The following SLC43A2 variants were observed in gnomAD, a reference collection of about 807,000 sequenced individuals.
SLC43A2 encodes the protein large neutral amino acids transporter small subunit 4.
SLC43A2 carries 38 observed loss-of-function variants against 63.2 expected under a neutral mutation model. The observed-to-expected ratio is 0.60, with a 90% CI of 0.46 to 0.79. The LOEUF is 0.79. SLC43A2 is among the 30% of genes least tolerant of loss of function. SLC43A2 has a pLI of 0.00. For synonymous variants in SLC43A2, 322 were observed against 331.0 expected (o/e 0.97, Z 0.30); for missense variants, 644 against 756.2 (o/e 0.85, Z 1.74).
At position 1,606,426 on chromosome 17, in the gene SLC43A2, C is replaced by T. The variant is rs141500093; in HGVS notation, c.501+6769G>A. 2.3e-3 allele frequency among the ~76,000 whole-genome samples: 356 copies of T among 152,340 alleles called. 3 individuals are homozygous for T. The highest frequency in any genetic ancestry group is 8.1e-3 in the African/African-American group (338 of 41,570). On this transcript the variant is annotated intron_variant, in intron 5 of 13. Coordinates refer to ENST00000301335, the MANE Select transcript of SLC43A2 (RefSeq NM_152346.3). The surrounding 1 kb of genome is among the most constrained non-coding windows in gnomAD (Gnocchi z 4.7). Reference sequence around the variant, plus strand: ...AAAGGGAAAATCCACAGAGAAATGTCTCATCGGGGAGCCTGGCAACATTTT... The same window carrying T: ...AAAGGGAAAATCCACAGAGAAATGTTTCATCGGGGAGCCTGGCAACATTTT...
chr17:1,629,911 G>T (rs914540798), upstream of SLC43A2, among the ~76,000 whole-genome samples: 2 of 152,166 alleles, frequency 1.3e-5, no homozygotes, highest in African/African-American at 4.8e-5. Context: ...CCCCAGAATC[G>T]CCTTGGTCAC....
intron 11 of SLC43A2, among the ~76,000 whole-genome samples, chr17:1,581,450 C>T (rs1004737790): frequency 1.3e-4 from 20 of 152,318 alleles, no homozygotes; most frequent in African/African-American, 3.8e-4. Context: ...AAATGTTCCA[C>T]GGCCCGCTGC....
At chr17:1,587,089 T>TGCGTTTCCTGCACC (rs2076115030) in intron 9 of SLC43A2, 3 of 1,010,208 alleles carry the variant, frequency 3.0e-6, no homozygotes, top group Non-Finnish European at 4.3e-6. Context: ...TTTCCCACAC[T>TGCGTTTCCTGCACC]GCGTTTCCCG....
intron 2 of SLC43A2, among the ~76,000 whole-genome samples, chr17:1,622,414 AT>A (rs1354343811): frequency 9.2e-5 from 14 of 151,964 alleles, no homozygotes; most frequent in Non-Finnish European, 1.5e-4. Flanking sequence ...ATACAAAAAA[AT>A]TTAGCCAGGC....
chr17:1,585,532 C>T, intron 10 of SLC43A2: 1 of 535,714 alleles, frequency 1.9e-6, no homozygotes, highest in Non-Finnish European at 2.9e-6. Context: ...AGGCATGAAC[C>T]ACCCTCCCTG....
In SLC43A2 at chr17:1,614,910, G is replaced by A. The variant is rs1344954157; in HGVS notation, c.424+69C>T. The A allele has an allele frequency of 2.0e-6, 3 of 1,516,596 alleles. No homozygotes were observed. In the African/African-American group the frequency reaches 4.1e-5, roughly 21 times the overall value. The allele number at this position is 1,516,596 out of a possible 1,614,324, so 93.9% of individuals were successfully genotyped here. ...CCCAGGACAGTGTCCAAGAGCAGGT[G>A]GGCCTGGGAGCAGCTCAGGGCACTC... On this transcript the variant is annotated intron_variant, in intron 4 of 13. Transcript: ENST00000301335.
At chr17:1,600,152 A>ATATATATATATATATATATATATATTT (rs1216616243) in intron 5 of SLC43A2, among the ~76,000 whole-genome samples, 2 of 60,280 alleles carry the variant, frequency 3.3e-5, no homozygotes, top group Non-Finnish European at 6.4e-5. Flanking sequence ...ATATATATAT[A>ATATATATATATATATATATATATATTT]TTTTTTTTTT....
intron 8 of SLC43A2, 122 bp from the exon 9 acceptor site, chr17:1,591,070 A>C: frequency 7.7e-7 from 1 of 1,292,470 alleles, no homozygotes; most frequent in Non-Finnish European, 1.1e-6. Context: ...GGTGAGGGTA[A>C]CGGGGTTGGC....
chr17:1,602,195 C>T (rs1598469835), intron 5 of SLC43A2, among the ~76,000 whole-genome samples: 1 of 152,280 alleles, frequency 6.6e-6, no homozygotes, highest in Middle Eastern at 3.4e-3. Flanking sequence ...TTTATAGAGA[C>T]AGGGTCTCAC....
chr17:1,589,664 G>C (rs1904567215), intron 9 of SLC43A2, among the ~76,000 whole-genome samples: 1 of 152,162 alleles, frequency 6.6e-6, no homozygotes. Flanking sequence ...CTGTCGCCCA[G>C]GCTGGAGTGC....
At chr17:1,624,760 G>A (rs527974895) in intron 2 of SLC43A2, among the ~76,000 whole-genome samples, 9 of 151,986 alleles carry the variant, frequency 5.9e-5, no homozygotes, top group South Asian at 2.1e-4. Flanking sequence ...GTATGGTGGC[G>A]CACACTTGTA....
intron 6 of SLC43A2, among the ~76,000 whole-genome samples, chr17:1,592,356 G>C (rs1049647969): frequency 6.6e-5 from 10 of 152,240 alleles, no homozygotes; most frequent in Non-Finnish European, 1.3e-4. Flanking sequence ...GAACCTGGGA[G>C]GTGGAGGTTG....
rs2075848755 is a variant in SLC43A2, at chr17:1,571,693, G to A, written c.*3911C>T. On this transcript the variant is annotated 3_prime_UTR_variant, in exon 14 of 14. Coordinates refer to ENST00000301335, the MANE Select transcript of SLC43A2 (RefSeq NM_152346.3). The surrounding 1 kb of genome is among the most constrained non-coding windows in gnomAD (Gnocchi z 5.2). Reference sequence around the variant, plus strand: ...CTGACCAGGACGATGCTGGGTGCAAGAGGGGACGGGGATGGAGCAAAACAG... The same window carrying A: ...CTGACCAGGACGATGCTGGGTGCAAAAGGGGACGGGGATGGAGCAAAACAG... 1 of 152,428 alleles carries A rather than the reference G, an allele frequency of 6.6e-6. No individual in the cohort carries two copies. Among genetic ancestry groups the A allele is most frequent in the Admixed American group, 6.5e-5 (1 of 15,282 alleles). 9.4% of individuals were successfully genotyped at this position (152,428 alleles called of 1,614,324 possible).
At chr17:1,611,726 A>C (rs1395530544) in intron 5 of SLC43A2, among the ~76,000 whole-genome samples, 1 of 152,210 alleles carries the variant, frequency 6.6e-6, no homozygotes, top group African/African-American at 2.4e-5. Context: ...GACAAGGGAA[A>C]TCAGAAACCA....
rs1315635014 is a variant in SLC43A2, at chr17:1,575,566, A to G, written c.*38T>C. The G allele has an allele frequency of 1.2e-6, 2 of 1,613,710 alleles. No homozygotes were observed. Among genetic ancestry groups the G allele is most frequent in the Non-Finnish European group, 1.7e-6 (2 of 1,179,874 alleles). Reference sequence around the variant, plus strand: ...GGGCAGGACAGGGGTCAGTCACTGAAGCACAGGCAGGAGACCGCAGTTCCG... The same window carrying G: ...GGGCAGGACAGGGGTCAGTCACTGAGGCACAGGCAGGAGACCGCAGTTCCG... On this transcript the variant is annotated 3_prime_UTR_variant, in exon 14 of 14. Coordinates refer to ENST00000301335, the MANE Select transcript of SLC43A2 (RefSeq NM_152346.3).
intron 9 of SLC43A2, among the ~76,000 whole-genome samples, chr17:1,587,367 A>C (rs1199117303): frequency 3.9e-5 from 6 of 151,986 alleles, no homozygotes; most frequent in Non-Finnish European, 8.8e-5. Context: ...TGTCACATCT[A>C]CCTCCTGCTG....
chr17:1,629,325 C>T (rs1445894183), upstream of SLC43A2, among the ~76,000 whole-genome samples: 4 of 152,030 alleles, frequency 2.6e-5, no homozygotes, highest in African/African-American at 9.7e-5. Context: ...CCCACCCCGC[C>T]TCCTCCCCAC....
intron 9 of SLC43A2, among the ~76,000 whole-genome samples, chr17:1,588,529 G>GA (rs754151073): frequency 2.6e-3 from 348 of 131,528 alleles, no homozygotes; most frequent in Middle Eastern, 7.7e-3. Flanking sequence ...TGTCTTTATG[G>GA]AAAAAAAAAA....
At chr17:1,601,190 C>A (rs2151059330) in intron 5 of SLC43A2, among the ~76,000 whole-genome samples, 1 of 152,122 alleles carries the variant, frequency 6.6e-6, no homozygotes, top group South Asian at 2.1e-4. Context: ...CTTCGTAGGT[C>A]TGAGCTGGCA....
Sources: gnomAD v4.1 joint callset for allele counts (sites outside exome capture counted in the v4.1 genomes callset) on GRCh38, gnomAD v4.1.1 for gene constraint, Gnocchi (gnomAD v3.1) non-coding constraint, MANE v1.5 for transcripts, NCBI Gene and HGNC (gene_info 2026-07-23, HGNC 2026-07-21) for gene names.